Variants in RNF144A observed in about 807,000 individuals in gnomAD.
The protein encoded by RNF144A is E3 ubiquitin-protein ligase RNF144A.
Under a neutral mutation model 38.7 loss-of-function variants are expected in RNF144A, and 11 were observed. That is an observed-to-expected ratio of 0.28 (90% CI 0.18 to 0.47). The LOEUF (loss-of-function observed/expected upper bound fraction) is 0.47. Among genes scored for constraint, RNF144A ranks in the 20% least tolerant of loss-of-function variants. The probability of loss-of-function intolerance (pLI) is 0.99; values close to 1 mark genes in which losing one functional copy is unlikely to be tolerated. For missense variants in RNF144A, 316 were observed against 377.2 expected (o/e 0.84, Z 1.34); for synonymous variants, 149 against 143.9 (o/e 1.04, Z -0.25).
chr2:7,032,539 G>A (rs1672390457), intron 8 of RNF144A, among the ~76,000 whole-genome samples: 2 of 152,200 alleles, frequency 1.3e-5, no homozygotes, highest in Non-Finnish European at 2.9e-5. Flanking sequence ...GAGTCCCTCC[G>A]GCCTTGTCCA....
chr2:7,034,560 C>T (rs1350847237), intron 8 of RNF144A, among the ~76,000 whole-genome samples: 1 of 152,232 alleles, frequency 6.6e-6, no homozygotes, highest in Non-Finnish European at 1.5e-5. Context: ...TGAGCGTGCT[C>T]CCAAGTGCAG....
At chr2:6,942,643 C>G (rs1270371899) in intron 2 of RNF144A, among the ~76,000 whole-genome samples, 2 of 152,124 alleles carry the variant, frequency 1.3e-5, no homozygotes, top group South Asian at 4.1e-4. Flanking sequence ...GGAATTGTCA[C>G]CAGTGGAGAT....
the RNF144A span, among the ~76,000 whole-genome samples, chr2:7,074,923 G>A: frequency 7.9e-5 from 12 of 152,070 alleles, no homozygotes; most frequent in African/African-American, 2.9e-4. Context: ...TGGAAGAGGA[G>A]GTTCTCAATT....
intron 1 of RNF144A, among the ~76,000 whole-genome samples, chr2:6,922,664 G>A (rs1447773486): frequency 1.4e-4 from 21 of 145,298 alleles, no homozygotes; most frequent in African/African-American, 4.9e-4. Context: ...TCACTTTGTC[G>A]CCCAGGCTGG....
rs1460188890 is a variant in RNF144A, at chr2:6,962,669, G to C, written c.-12+21522G>C. 6.6e-6 allele frequency among the ~76,000 whole-genome samples: 1 copy of C among 152,170 alleles called. No homozygotes were observed. The highest frequency in any genetic ancestry group is 1.9e-4 in the East Asian group (1 of 5,192). ...AGGAAAACTTCTAACACTTAGACAA[G>C]AAAATTAATAAAACATTAGTTCTTC... is the stretch of plus-strand genomic sequence containing the variant. On this transcript the variant is annotated intron_variant, in intron 2 of 8. Coordinates refer to ENST00000320892, the MANE Select transcript of RNF144A (RefSeq NM_014746.6). This position sits in a 1 kb window ranked among gnomAD's most constrained non-coding sequence, Gnocchi z 4.1.
intron 8 of RNF144A, among the ~76,000 whole-genome samples, chr2:7,033,962 G>A (rs1028669060): frequency 8.5e-5 from 13 of 152,184 alleles, no homozygotes; most frequent in African/African-American, 7.2e-5. Flanking sequence ...CTTTCTACAC[G>A]TGGGGAACTT....
In RNF144A at chr2:6,997,769, G is replaced by T. The variant is rs971536357; in HGVS notation, c.135+708G>T. On this transcript the variant is annotated intron_variant, in intron 3 of 8. Transcript: ENST00000320892. ...ATGAGTGCATAGAAGCCGGAAGTAG[G>T]ACGGTAGTTTCCCGGGGTCTGCAGG... 2.0e-5 allele frequency among the ~76,000 whole-genome samples: 3 copies of T among 152,208 alleles called. No individual in the cohort carries two copies. The South Asian group carries it at 6.2e-4, about 32-fold the overall frequency.
At position 6,998,172 on chromosome 2, in the gene RNF144A, C is replaced by CAA. The variant is rs34548361; in HGVS notation, c.135+1122_135+1123dup. Among the ~76,000 whole-genome samples, 24 of 145,928 alleles carry CAA rather than the reference C, an allele frequency of 1.6e-4. No homozygotes were observed. In the East Asian group the frequency reaches 1.8e-3, roughly 11 times the overall value. ...GAAAAGAAAAATGAAAAACTGTCTTCAAAAAAAAAAAAGTGTCTTCTGAAT... is the reference window on the plus strand; with the variant it reads ...GAAAAGAAAAATGAAAAACTGTCTTCAAAAAAAAAAAAAAGTGTCTTCTGAAT... On this transcript the variant is annotated intron_variant, in intron 3 of 8. Transcript: ENST00000320892.
chr2:7,057,658 A>G (rs1673791010), intron 6 of RNF144A, among the ~76,000 whole-genome samples: 1 of 152,228 alleles, frequency 6.6e-6, no homozygotes, highest in Non-Finnish European at 1.5e-5. Context: ...GGTTCCATTC[A>G]TCATGTGGAG....
At chr2:7,004,694 TC>T (rs1670326883) in intron 3 of RNF144A, among the ~76,000 whole-genome samples, 2 of 152,196 alleles carry the variant, frequency 1.3e-5, no homozygotes, top group African/African-American at 4.8e-5. Flanking sequence ...CGGATGCTCC[TC>T]CCCCTTTCTC....
intron 1 of RNF144A, among the ~76,000 whole-genome samples, chr2:6,932,703 T>G (rs1030865727): frequency 5.9e-5 from 9 of 152,220 alleles, no homozygotes; most frequent in African/African-American, 2.2e-4. Context: ...AGCTTCATTT[T>G]TATGAGTGAT....
At chr2:7,003,160 A>C (rs767689777) in intron 3 of RNF144A, among the ~76,000 whole-genome samples, 1 of 152,210 alleles carries the variant, frequency 6.6e-6, no homozygotes, top group African/African-American at 2.4e-5. Flanking sequence ...TGTTATGAGA[A>C]TAAAAAAGTT....
rs974929348 is a variant in RNF144A, at chr2:6,943,419, A to G, written c.-12+2272A>G. Among the ~76,000 whole-genome samples the G allele has an allele frequency of 6.6e-6, 1 of 152,230 alleles. No individual in the cohort carries two copies. Among genetic ancestry groups the G allele is most frequent in the African/African-American group, 2.4e-5 (1 of 41,476 alleles). On this transcript the variant is annotated intron_variant, in intron 2 of 8. Coordinates refer to ENST00000320892, the MANE Select transcript of RNF144A (RefSeq NM_014746.6). This position sits in a 1 kb window ranked among gnomAD's most constrained non-coding sequence, Gnocchi z 4.3. ...AGAATGCAGGGGAGGAAGTGGAGAC[A>G]GGGATTGTAGACAACTCAGTTGAGC...
At chr2:7,035,339 G>A (rs1318936040) in intron 8 of RNF144A, among the ~76,000 whole-genome samples, 2 of 152,212 alleles carry the variant, frequency 1.3e-5, no homozygotes, top group Non-Finnish European at 2.9e-5. Context: ...ACATGTACCA[G>A]TGTAGTACCT....
intron 3 of RNF144A, 27 bp from the exon 4 acceptor site, chr2:7,014,427 A>G (rs749614339): frequency 6.7e-6 from 10 of 1,484,466 alleles, no homozygotes; most frequent in Admixed American, 1.7e-5. Context: ...AAAGATGTTT[A>G]TAGACACTTC....
intron 3 of RNF144A, among the ~76,000 whole-genome samples, chr2:7,004,854 A>G (rs1007364167): frequency 4.6e-5 from 7 of 152,192 alleles, no homozygotes; most frequent in Admixed American, 1.3e-4. Flanking sequence ...GAGCTTTTGA[A>G]GAGAAGGGGT....
At position 7,014,540 on chromosome 2, in the gene RNF144A, C is replaced by T. The variant is rs1341669106; in HGVS notation, c.222C>T (p.Gly74=). 1 of 1,603,998 alleles carries T rather than the reference C, an allele frequency of 6.2e-7. No homozygotes were observed. Among genetic ancestry groups the T allele is most frequent in the African/African-American group, 1.3e-5 (1 of 74,412 alleles). ...SCPDAACPKQ[G]HLQENEIECM... is the part of the protein sequence containing the mutation. ...CAGATGCTGCCTGCCCTAAACAGGG[C>T]CACCTACAGGAGAACGAGGCATGTG... Residue 74 remains glycine, a synonymous_variant, in exon 4 of 9, where the codon GGC becomes GGT. Coordinates refer to ENST00000320892, the MANE Select transcript of RNF144A (RefSeq NM_014746.6).
At chr2:6,991,634 G>C (rs916080710) in intron 2 of RNF144A, among the ~76,000 whole-genome samples, 2 of 152,096 alleles carry the variant, frequency 1.3e-5, no homozygotes, top group African/African-American at 4.8e-5. Flanking sequence ...CCGAACCTTG[G>C]TTTACTCATT....
At chr2:7,030,256 A>T in intron 8 of RNF144A, 41 bp downstream of exon 8, 1 of 1,067,684 alleles carries the variant, frequency 9.4e-7, no homozygotes, top group East Asian at 2.4e-5. Flanking sequence ...TCAGAGAGAG[A>T]CTGTGTGTGT....
Sources: allele counts gnomAD v4.1 joint callset (sites outside exome capture counted in the v4.1 genomes callset), GRCh38; gene constraint gnomAD v4.1.1; non-coding constraint Gnocchi (gnomAD v3.1); transcripts MANE v1.5; gene names NCBI Gene and HGNC (gene_info 2026-07-23, HGNC 2026-07-21).